SPATA16: variants seen among roughly 807,000 people sequenced by gnomAD.
SPATA16 encodes the protein spermatogenesis-associated protein 16.
SPATA16 carries 36 observed loss-of-function variants against 63.3 expected under a neutral mutation model. The ratio of observed to expected loss-of-function variants is 0.57; its 90% CI spans 0.44 to 0.75. SPATA16 has a LOEUF of 0.75. Among genes scored for constraint, SPATA16 ranks in the 30% least tolerant of loss-of-function variants. The pLI is 0.00. For synonymous variants in SPATA16, 203 were observed against 216.7 expected (o/e 0.94, Z 0.56); for missense variants, 646 against 679.3 (o/e 0.95, Z 0.54).
intron 1 of SPATA16, among the ~76,000 whole-genome samples, chr3:173,120,060 C>T (rs1022109766): frequency 1.3e-5 from 2 of 149,886 alleles, no homozygotes; most frequent in Non-Finnish European, 3.0e-5. Context: ...GCACTCCAGC[C>T]TAGGCAACAA....
rs1734175590 is a variant in SPATA16 at position 172,976,984 on chromosome 3, A to T, written c.917T>A (p.Ile306Asn). Residue 306 changes from isoleucine to asparagine, a missense_variant, in exon 5 of 11, where the codon ATC becomes AAC. Coordinates refer to ENST00000351008, the MANE Select transcript of SPATA16 (RefSeq NM_031955.6). ...AATTTTTACCTGCCAATACAGTTTG[A>T]TGAGCTTGCTTATGCTCTCTTCCCT... ...GGREESISKL[I>N]KLYWQAMIEE... 1.2e-6 allele frequency: 2 copies of T among 1,612,276 alleles called. No individual in the cohort carries two copies. Among genetic ancestry groups the T allele is most frequent in the African/African-American group, 2.7e-5 (2 of 74,854 alleles).
At chr3:172,962,852 A>C (rs1168336440) in intron 5 of SPATA16, among the ~76,000 whole-genome samples, 2 of 152,136 alleles carry the variant, frequency 1.3e-5, no homozygotes, top group African/African-American at 4.8e-5. Context: ...GATGATAATA[A>C]TTTTCTAGAA....
intron 6 of SPATA16, among the ~76,000 whole-genome samples, chr3:172,942,204 C>A (rs531919384): frequency 6.6e-6 from 1 of 152,096 alleles, no homozygotes; most frequent in Non-Finnish European, 1.5e-5. Context: ...TATACTCTGG[C>A]AGAAAAACTC....
intron 2 of SPATA16, among the ~76,000 whole-genome samples, chr3:173,096,793 T>G (rs888750231): frequency 2.0e-5 from 3 of 151,180 alleles, no homozygotes; most frequent in Non-Finnish European, 4.4e-5. Context: ...ACAACACTAT[T>G]TCTAGGAGCA....
intron 2 of SPATA16, among the ~76,000 whole-genome samples, chr3:173,075,434 A>G (rs1043553074): frequency 6.6e-6 from 1 of 152,202 alleles, no homozygotes; most frequent in African/African-American, 2.4e-5. Context: ...CTGGATAGAT[A>G]CCTAATAGAA....
intron 1 of SPATA16, among the ~76,000 whole-genome samples, chr3:173,138,212 C>T (rs1738604546): frequency 1.3e-5 from 2 of 152,020 alleles, no homozygotes; most frequent in South Asian, 4.2e-4. Flanking sequence ...AATTGAGAAC[C>T]AGTGGGAGAG....
intron 5 of SPATA16, among the ~76,000 whole-genome samples, chr3:172,957,929 G>T (rs1733639197): frequency 6.6e-6 from 1 of 152,134 alleles, no homozygotes; most frequent in South Asian, 2.1e-4. Flanking sequence ...CATCTACATT[G>T]CTTGTAAAAG....
intron 2 of SPATA16, among the ~76,000 whole-genome samples, chr3:173,080,489 C>T (rs1267896207): frequency 6.6e-6 from 1 of 151,996 alleles, no homozygotes; most frequent in East Asian, 1.9e-4. Context: ...CTTTGTGAGA[C>T]AGAGCTGGGG....
intron 3 of SPATA16, among the ~76,000 whole-genome samples, chr3:173,045,488 A>G (rs1343073910): frequency 6.6e-6 from 1 of 152,154 alleles, no homozygotes; most frequent in Non-Finnish European, 1.5e-5. Flanking sequence ...CACGGTTAGA[A>G]TAAAAAATTC....
chr3:172,960,887 C>CTTTCTTTCTTTCTTTCTTTCTT (rs1177756966), intron 5 of SPATA16, among the ~76,000 whole-genome samples: 3 of 62,346 alleles, frequency 4.8e-5, no homozygotes, highest in Non-Finnish European at 9.4e-5. Context: ...CTTTCTTTCT[C>CTTTCTTTCTTTCTTTCTTTCTT]TCTCTCCTTC....
intron 2 of SPATA16, among the ~76,000 whole-genome samples, chr3:173,092,873 CT>C (rs1488961529): frequency 2.0e-5 from 3 of 152,074 alleles, no homozygotes; most frequent in African/African-American, 7.2e-5. Context: ...TATGCTTATC[CT>C]TTGGATTTCA....
intron 6 of SPATA16, among the ~76,000 whole-genome samples, chr3:172,941,113 A>G (rs1179272604): frequency 6.6e-6 from 1 of 152,206 alleles, no homozygotes; most frequent in Non-Finnish European, 1.5e-5. Flanking sequence ...GACAGAGCTA[A>G]AGGAAGGATG....
At chr3:173,052,461 G>A (rs1056576655) in intron 2 of SPATA16, among the ~76,000 whole-genome samples, 13 of 152,154 alleles carry the variant, frequency 8.5e-5, no homozygotes, top group Non-Finnish European at 1.5e-4. Flanking sequence ...TACCAATCGA[G>A]TGTTGTAAGA....
At chr3:172,902,262 G>T (rs998795474) in intron 10 of SPATA16, among the ~76,000 whole-genome samples, 31 of 151,982 alleles carry the variant, frequency 2.0e-4, no homozygotes, top group Non-Finnish European at 4.4e-5. Flanking sequence ...GGCTGGCCTC[G>T]AACTCCTGAC....
At chr3:172,894,601 A>G (rs963151341) in intron 10 of SPATA16, among the ~76,000 whole-genome samples, 6 of 152,164 alleles carry the variant, frequency 3.9e-5, no homozygotes, top group Non-Finnish European at 5.9e-5. Flanking sequence ...AAATTTTGCT[A>G]TCACATAGTC....
At chr3:173,003,441 G>A (rs1734871860) in intron 4 of SPATA16, among the ~76,000 whole-genome samples, 3 of 152,132 alleles carry the variant, frequency 2.0e-5, no homozygotes, top group South Asian at 2.1e-4. Flanking sequence ...AGGAATTTGG[G>A]TCTTGACATA....
At chr3:173,081,969 CTTA>C (rs1344372966) in intron 2 of SPATA16, among the ~76,000 whole-genome samples, 1 of 152,116 alleles carries the variant, frequency 6.6e-6, no homozygotes, top group Non-Finnish European at 1.5e-5. Context: ...ATTTTTGACA[CTTA>C]TTAAGATGAG....
intron 4 of SPATA16, among the ~76,000 whole-genome samples, chr3:173,010,587 A>C (rs918942089): frequency 2.6e-5 from 4 of 152,152 alleles, no homozygotes; most frequent in Non-Finnish European, 4.4e-5. Context: ...AGAAAGCCTA[A>C]GTACTTTCGT....
chr3:173,079,516 G>A (rs934619646), intron 2 of SPATA16, among the ~76,000 whole-genome samples: 1 of 152,056 alleles, frequency 6.6e-6, no homozygotes, highest in African/African-American at 2.4e-5. Flanking sequence ...GGAAGTAAAA[G>A]TAATGTTATT....
Sources: allele counts gnomAD v4.1 joint callset (sites outside exome capture counted in the v4.1 genomes callset), GRCh38; gene constraint gnomAD v4.1.1; transcripts MANE v1.5; gene names NCBI Gene and HGNC (gene_info 2026-07-23, HGNC 2026-07-21).